The following MPP7 variants were observed in gnomAD, a reference collection of about 807,000 sequenced individuals.
MPP7 encodes MAGUK p55 subfamily member 7.
In MPP7, 60 loss-of-function variants were observed where a neutral mutation model predicts 76.5. That is an observed-to-expected ratio of 0.78 (90% CI 0.64 to 0.97). MPP7 has a LOEUF of 0.97. Ranked by LOEUF, MPP7 falls within the 50% of genes least tolerant of loss-of-function variation. The probability of loss-of-function intolerance (pLI) is 0.00; values close to 1 mark genes in which losing one functional copy is unlikely to be tolerated. For synonymous variants in MPP7, 237 were observed against 244.5 expected (o/e 0.97, Z 0.29); for missense variants, 641 against 694.0 (o/e 0.92, Z 0.86).
In MPP7 at chr10:28,081,217, T is replaced by C. The variant is rs73606047; in HGVS notation, c.1123+8454A>G. On this transcript the variant is annotated intron_variant, in intron 12 of 16. Transcript: ENST00000683449. ...GCAAATTGTCTGAATATCCACAAGA[T>C]GAATTTTTGCTCTTGTTTTGGCTTA... Among the ~76,000 whole-genome samples the C allele has an allele frequency of 7.4e-3, 1,123 of 152,320 alleles. 14 individuals carry two copies. The highest frequency in any genetic ancestry group is 0.026 in the African/African-American group (1,075 of 41,568).
chr10:28,107,425 G>A (rs1834361794), intron 11 of MPP7, among the ~76,000 whole-genome samples: 1 of 152,052 alleles, frequency 6.6e-6, no homozygotes, highest in South Asian at 2.1e-4. Flanking sequence ...AAGTTAGGGA[G>A]CAGGTACCAT....
intron 1 of MPP7, among the ~76,000 whole-genome samples, chr10:28,262,260 T>TAC (rs1840009052): frequency 6.3e-5 from 1 of 15,894 alleles, no homozygotes; most frequent in African/African-American, 3.4e-4. Flanking sequence ...TATATATATG[T>TAC]ATATATATAT....
intron 3 of MPP7, among the ~76,000 whole-genome samples, chr10:28,157,478 C>T (rs1370752871): frequency 6.6e-6 from 1 of 152,220 alleles, no homozygotes; most frequent in Non-Finnish European, 1.5e-5. Context: ...AGGAATCAGA[C>T]TTTATTCACA....
intron 2 of MPP7, among the ~76,000 whole-genome samples, chr10:28,217,603 C>CA (rs763107277): frequency 3.9e-4 from 58 of 148,808 alleles, no homozygotes; most frequent in Non-Finnish European, 7.6e-4. Flanking sequence ...AAAAAAGTCA[C>CA]AAAAAAAGGC....
intron 1 of MPP7, among the ~76,000 whole-genome samples, chr10:28,264,790 G>A (rs1456210252): frequency 6.6e-6 from 1 of 152,104 alleles, no homozygotes; most frequent in Non-Finnish European, 1.5e-5. Context: ...TCCAATGCTG[G>A]CCTAAGGATT....
At chr10:28,258,642 T>A (rs912382855) in intron 1 of MPP7, among the ~76,000 whole-genome samples, 30 of 151,794 alleles carry the variant, frequency 2.0e-4, no homozygotes, top group African/African-American at 7.3e-4. Flanking sequence ...TCAAATGATC[T>A]GCCCACTTCA....
intron 2 of MPP7, among the ~76,000 whole-genome samples, chr10:28,314,619 A>G (rs1841308556): frequency 6.6e-6 from 1 of 152,230 alleles, no homozygotes; most frequent in South Asian, 2.1e-4. Context: ...AGATTGGAAC[A>G]CTGAATGACA....
At chr10:28,204,307 G>A (rs1837876221) in intron 2 of MPP7, among the ~76,000 whole-genome samples, 2 of 152,036 alleles carry the variant, frequency 1.3e-5, no homozygotes, top group Admixed American at 1.3e-4. Flanking sequence ...GCCCAGTGTG[G>A]TGGCACACAC....
At chr10:28,270,546 GAGGGGAGCT>G (rs1840294233) in intron 1 of MPP7, among the ~76,000 whole-genome samples, 1 of 118,596 alleles carries the variant, frequency 8.4e-6, no homozygotes, top group African/African-American at 3.0e-5. Context: ...GGGGGGGGAG[GAGGGGAGCT>G]GGGGAGGGGG....
chr10:28,306,144 A>G (rs969693475), upstream of MPP7, among the ~76,000 whole-genome samples: 2 of 152,214 alleles, frequency 1.3e-5, no homozygotes, highest in Non-Finnish European at 2.9e-5. Flanking sequence ...AGCCCTCACT[A>G]TGGAGGGCCA....
chr10:28,098,040 A>G (rs1224166915), intron 11 of MPP7, among the ~76,000 whole-genome samples: 1 of 152,194 alleles, frequency 6.6e-6, no homozygotes, highest in African/African-American at 2.4e-5. Flanking sequence ...ATTCACCAAT[A>G]CAGTATTAAC....
intron 3 of MPP7, among the ~76,000 whole-genome samples, chr10:28,182,530 T>A (rs1355659727): frequency 6.6e-6 from 1 of 152,218 alleles, no homozygotes; most frequent in Non-Finnish European, 1.5e-5. Context: ...AGGGACTGCA[T>A]GTGTGTACAA....
chr10:28,132,151 AAT>A (rs1407446252), intron 5 of MPP7, among the ~76,000 whole-genome samples: 1 of 152,188 alleles, frequency 6.6e-6, no homozygotes, highest in Non-Finnish European at 1.5e-5. Flanking sequence ...CAGAAAATAC[AAT>A]GATGATCAAT....
chr10:28,299,538 T>G (rs1189483217), intron 1 of MPP7, among the ~76,000 whole-genome samples: 3 of 152,038 alleles, frequency 2.0e-5, no homozygotes, highest in Non-Finnish European at 4.4e-5. Context: ...CAATGAAAAG[T>G]TTGCAATATT....
intron 11 of MPP7, among the ~76,000 whole-genome samples, chr10:28,101,956 GAAGAA>G (rs1231464355): frequency 1.3e-5 from 2 of 151,680 alleles, no homozygotes; most frequent in Non-Finnish European, 1.5e-5. Context: ...AAGCCTATAG[GAAGAA>G]ATGAATTTTT....
At chr10:28,190,856 A>T (rs1837390493) in intron 3 of MPP7, among the ~76,000 whole-genome samples, 1 of 152,060 alleles carries the variant, frequency 6.6e-6, no homozygotes, top group Admixed American at 6.6e-5. Flanking sequence ...ATCAAAAGCA[A>T]GTTCTTTTAA....
At chr10:28,260,501 T>C (rs1410090040) in intron 1 of MPP7, among the ~76,000 whole-genome samples, 3 of 151,998 alleles carry the variant, frequency 2.0e-5, no homozygotes, top group Non-Finnish European at 2.9e-5. Context: ...TGGCCAGGCA[T>C]GGTGGCTCAT....
chr10:28,082,102 C>T (rs1852790502), intron 12 of MPP7, among the ~76,000 whole-genome samples: 1 of 152,154 alleles, frequency 6.6e-6, no homozygotes, highest in South Asian at 2.1e-4. Context: ...TTTCCATCTT[C>T]CTACATAAAT....
At chr10:28,274,389 G>A (rs1050361858) in intron 1 of MPP7, among the ~76,000 whole-genome samples, 6 of 151,762 alleles carry the variant, frequency 4.0e-5, no homozygotes, top group South Asian at 2.1e-4. Context: ...ATAAGCCACC[G>A]CGCCCGGCCA....
Sources: gnomAD v4.1 joint callset for allele counts (sites outside exome capture counted in the v4.1 genomes callset) on GRCh38, gnomAD v4.1.1 for gene constraint, MANE v1.5 for transcripts, NCBI Gene and HGNC (gene_info 2026-07-23, HGNC 2026-07-21) for gene names.